RAD51B: variants seen among roughly 807,000 people sequenced by gnomAD.
RAD51B encodes RAD51 paralog B.
A neutral mutation model predicts 42.2 loss-of-function variants in RAD51B; 38 were observed. The ratio of observed to expected loss-of-function variants is 0.90; its 90% confidence interval spans 0.70 to 1.18. The LOEUF is 1.18. Ranked by LOEUF, RAD51B falls within the 50% of genes most tolerant of loss-of-function variation. The pLI, the probability that RAD51B is intolerant of heterozygous loss-of-function variation, is 0.00. For synonymous variants in RAD51B, 154 were observed against 145.2 expected (o/e 1.06, Z -0.43); for missense variants, 373 against 400.7 (o/e 0.93, Z 0.59).
chr14:67,915,678 C>G (rs936626676), intron 7 of RAD51B, among the ~76,000 whole-genome samples: 4 of 152,084 alleles, frequency 2.6e-5, no homozygotes, highest in African/African-American at 9.7e-5. Context: ...GTATGTCATT[C>G]TTATATAAGA....
chr14:68,159,619 CAAAA>C lies in RAD51B; in HGVS notation c.757-132252_757-132249del, dbSNP rs113802276. 4.8e-5 allele frequency among the ~76,000 whole-genome samples: 3 copies of C among 62,082 alleles called. No homozygotes were observed. In the Admixed American group the frequency reaches 5.3e-4, roughly 11 times the overall value. The allele number at this position is 62,082 out of a possible 152,430, so 40.7% of individuals were successfully genotyped here. A position where few individuals can be genotyped will look rare whatever the true frequency, so the allele number is the denominator to read the frequency against. ...TGGGTGACAGAGCAAAACTCCATCTCAAAAAAAAAAAAAAAAGACAAAGTATATG... is the reference window on the plus strand; with the variant it reads ...TGGGTGACAGAGCAAAACTCCATCTCAAAAAAAAAAAAGACAAAGTATATG... On this transcript the variant is annotated intron_variant, in intron 7 of 10. Coordinates refer to ENST00000471583, the MANE Select transcript of RAD51B (RefSeq NM_133510.4).
chr14:68,008,143 C>T (rs1168834868), intron 7 of RAD51B, among the ~76,000 whole-genome samples: 3 of 151,586 alleles, frequency 2.0e-5, no homozygotes, highest in Non-Finnish European at 1.5e-5. Context: ...GGAATTTTTT[C>T]TGAGAAAATA....
intron 10 of RAD51B, chr14:68,562,522 C>G (rs1470128235): frequency 5.1e-6 from 5 of 985,300 alleles, no homozygotes; most frequent in African/African-American, 1.7e-5. Context: ...AGGGTGGAGC[C>G]AGCACCCACA....
intron 7 of RAD51B, among the ~76,000 whole-genome samples, chr14:68,185,149 TC>T (rs1340666186): frequency 1.3e-5 from 2 of 152,042 alleles, no homozygotes; most frequent in East Asian, 3.9e-4. Flanking sequence ...AAATGTAAAA[TC>T]ATGAAAAATA....
At chr14:68,251,676 G>A (rs1403000538) in intron 7 of RAD51B, among the ~76,000 whole-genome samples, 2 of 152,148 alleles carry the variant, frequency 1.3e-5, no homozygotes, top group Non-Finnish European at 2.9e-5. Flanking sequence ...TTGCTCGGCT[G>A]GGTCCAACAT....
intron 10 of RAD51B, among the ~76,000 whole-genome samples, chr14:68,622,830 G>A (rs991533840): frequency 6.6e-6 from 1 of 151,940 alleles, no homozygotes; most frequent in Non-Finnish European, 1.5e-5. Flanking sequence ...TTTATGCTGG[G>A]TCACAGCTGG....
chr14:68,593,866 C>T (rs59934413), intron 10 of RAD51B, among the ~76,000 whole-genome samples: 28,378 of 152,136 alleles, frequency 0.19, 2,855 homozygotes, highest in Non-Finnish European at 0.23. Context: ...CAGCCATGCT[C>T]TGTTGCAGTA....
intron 7 of RAD51B, among the ~76,000 whole-genome samples, chr14:68,142,656 G>T (rs566400861): frequency 2.0e-4 from 31 of 152,092 alleles, no homozygotes; most frequent in African/African-American, 7.5e-4. Context: ...CAGCATGATC[G>T]TCATGATTTA....
chr14:67,885,617 A>T, intron 5 of RAD51B: 1 of 258,454 alleles, frequency 3.9e-6, no homozygotes, highest in Non-Finnish European at 7.2e-6. Flanking sequence ...GATAAATCTC[A>T]AGAGACATTG....
intron 7 of RAD51B, among the ~76,000 whole-genome samples, chr14:68,141,876 C>G (rs535973186): frequency 6.6e-6 from 1 of 152,294 alleles, no homozygotes; most frequent in South Asian, 2.1e-4. Flanking sequence ...ATTTGGCCTT[C>G]CTAGACCTTC....
intron 7 of RAD51B, among the ~76,000 whole-genome samples, chr14:67,976,952 A>G (rs1047675628): frequency 8.1e-4 from 124 of 152,332 alleles, no homozygotes; most frequent in African/African-American, 2.9e-3. Flanking sequence ...GGAGCCAAAA[A>G]ACACATGAAA....
intron 7 of RAD51B, among the ~76,000 whole-genome samples, chr14:68,266,904 C>G (rs544788920): frequency 6.6e-6 from 1 of 152,310 alleles, no homozygotes; most frequent in African/African-American, 2.4e-5. Flanking sequence ...ATTGTTTTAT[C>G]ACAAATATCA....
intron 10 of RAD51B, among the ~76,000 whole-genome samples, chr14:68,491,067 C>G (rs1459588526): frequency 6.6e-6 from 1 of 152,142 alleles, no homozygotes; most frequent in Non-Finnish European, 1.5e-5. Context: ...AAAACATTCC[C>G]TTTCTTCCTA....
At chr14:68,205,100 G>A (rs1449239634) in intron 7 of RAD51B, among the ~76,000 whole-genome samples, 1 of 152,142 alleles carries the variant, frequency 6.6e-6, no homozygotes. Context: ...AGAGGCGAGT[G>A]TGCTTGTTGG....
At chr14:68,055,033 A>G (rs923195436) in intron 7 of RAD51B, among the ~76,000 whole-genome samples, 4 of 152,314 alleles carry the variant, frequency 2.6e-5, no homozygotes, top group African/African-American at 9.6e-5. Flanking sequence ...GGTGGTGTGA[A>G]AACAGAAGAA....
chr14:68,372,751 A>G (rs2083289202), intron 8 of RAD51B, among the ~76,000 whole-genome samples: 1 of 152,240 alleles, frequency 6.6e-6, no homozygotes. Flanking sequence ...TCTAGTTACC[A>G]GAACACCAAA....
chr14:67,941,446 G>A (rs574918493), intron 7 of RAD51B, among the ~76,000 whole-genome samples: 6 of 152,170 alleles, frequency 3.9e-5, no homozygotes, highest in Admixed American at 2.0e-4. Flanking sequence ...TTTTGGCTTA[G>A]GGGGAGGATT....
chr14:68,168,055 G>C (rs1383858863), intron 7 of RAD51B, among the ~76,000 whole-genome samples: 8 of 152,070 alleles, frequency 5.3e-5, no homozygotes, highest in Non-Finnish European at 8.8e-5. Flanking sequence ...GTGAGAGTTT[G>C]GAAGTGTCTC....
At chr14:68,041,165 C>T (rs1398354172) in intron 7 of RAD51B, among the ~76,000 whole-genome samples, 1 of 152,158 alleles carries the variant, frequency 6.6e-6, no homozygotes, top group African/African-American at 2.4e-5. Flanking sequence ...GCTCTCTCTC[C>T]TGTTCTGCCA....
Sources: allele counts gnomAD v4.1 joint callset (sites outside exome capture counted in the v4.1 genomes callset), GRCh38; gene constraint gnomAD v4.1.1; transcripts MANE v1.5; gene names NCBI Gene and HGNC (gene_info 2026-07-23, HGNC 2026-07-21).